The following FAR1 variants were observed in gnomAD, a reference collection of about 807,000 sequenced individuals.
The protein encoded by FAR1 is male sterility domain-containing protein 2.
A neutral mutation model predicts 61.1 loss-of-function variants in FAR1; 22 were observed. That is an observed-to-expected ratio of 0.36 (90% CI 0.26 to 0.51). The LOEUF (loss-of-function observed/expected upper bound fraction) is 0.51. FAR1 is among the 20% of genes least tolerant of loss of function. FAR1 has a pLI of 0.95. For synonymous variants in FAR1, 206 were observed against 209.7 expected, an observed-to-expected ratio of 0.98 and a Z score of 0.15; for missense variants, 359 against 626.9, an observed-to-expected ratio of 0.57 and a Z score of 4.56.
Position 13,731,549 on chromosome 11 carries a change from C to G in FAR1, c.*2775C>G, listed in dbSNP as rs572108579. 2.0e-5 allele frequency: 3 copies of G among 152,366 alleles called. No homozygotes were observed. Among genetic ancestry groups the G allele is most frequent in the Non-Finnish European group, 4.4e-5 (3 of 67,984 alleles). The allele number at this position is 152,366 out of a possible 1,614,324, so 9.4% of individuals were successfully genotyped here. A position where few individuals can be genotyped will look rare whatever the true frequency, so the allele number is the denominator to read the frequency against. On this transcript the variant is annotated 3_prime_UTR_variant, in exon 12 of 12. Coordinates refer to ENST00000354817, the MANE Select transcript of FAR1 (RefSeq NM_032228.6). Reference sequence around the variant, plus strand: ...TGAAAATTACCCATGGAACAATATGCTTAGGATTACAGGAAGCAGTCCTTA... The same window carrying G: ...TGAAAATTACCCATGGAACAATATGGTTAGGATTACAGGAAGCAGTCCTTA...
chr11:13,688,732 G>A (rs1848216461), intron 1 of FAR1, among the ~76,000 whole-genome samples: 1 of 152,150 alleles, frequency 6.6e-6, no homozygotes, highest in African/African-American at 2.4e-5. Flanking sequence ...TATTGAGTAT[G>A]TAATTGTCAT....
rs1400477156 is a variant in FAR1 at position 13,722,547 on chromosome 11, C to T, written c.1257+688C>T. On this transcript the variant is annotated intron_variant, in intron 10 of 11. Coordinates refer to ENST00000354817, the MANE Select transcript of FAR1 (RefSeq NM_032228.6). ...GGAGTGCAATGGCACAATCTTGGCTCACTGCAACCTCTGCCTCCCGGGTTC... is the reference window on the plus strand; with the variant it reads ...GGAGTGCAATGGCACAATCTTGGCTTACTGCAACCTCTGCCTCCCGGGTTC... Among the ~76,000 whole-genome samples the T allele has an allele frequency of 2.0e-5, 3 of 151,922 alleles. No homozygotes were observed. In the East Asian group the frequency reaches 5.8e-4, roughly 29 times the overall value.
chr11:13,725,826 T>C (rs1848662587), intron 10 of FAR1, among the ~76,000 whole-genome samples: 1 of 152,160 alleles, frequency 6.6e-6, no homozygotes, highest in Non-Finnish European at 1.5e-5. Context: ...TGACCTTTAA[T>C]TGGAGAACTT....
chr11:13,724,844 G>A (rs1278218131), intron 10 of FAR1, among the ~76,000 whole-genome samples: 1 of 152,140 alleles, frequency 6.6e-6, no homozygotes, highest in Non-Finnish European at 1.5e-5. Context: ...TGCCCAAGAG[G>A]CACAGGTGGG....
At chr11:13,670,286 G>A (rs1847983295) in intron 1 of FAR1, 1 of 150,754 alleles carries the variant, frequency 6.6e-6, no homozygotes, top group Admixed American at 6.6e-5. Flanking sequence ...GTTTTGTTTT[G>A]TTTTTATTTT....
chr11:13,690,602 C>T (rs1231921413), intron 1 of FAR1, among the ~76,000 whole-genome samples: 1 of 152,066 alleles, frequency 6.6e-6, no homozygotes, highest in African/African-American at 2.4e-5. Flanking sequence ...GACTCTGCAC[C>T]ATTCTCTTCT....
Position 13,694,948 on chromosome 11 carries a change from T to C in FAR1, c.183T>C (p.Ser61=). The C allele has an allele frequency of 1.2e-6, 2 of 1,609,066 alleles. No homozygotes were observed. The highest frequency in any genetic ancestry group is 1.7e-6 in the Non-Finnish European group (2 of 1,177,578). The change falls in exon 2 of 12, where the codon AGT becomes AGC. Residue 61 remains serine, a synonymous_variant. Coordinates refer to ENST00000354817, the MANE Select transcript of FAR1 (RefSeq NM_032228.6). ...AAGAGCGAGTGGAAGAAGTCCTTAGTGGCAAGGTAAGTATGGAAAATGAGC... is the reference window on the plus strand; with the variant it reads ...AAGAGCGAGTGGAAGAAGTCCTTAGCGGCAAGGTAAGTATGGAAAATGAGC... ...TPQERVEEVL[S]GKLFDRLRDE... is the part of the protein sequence containing the mutation.
chr11:13,719,615 A>G (rs1404774793), intron 9 of FAR1, among the ~76,000 whole-genome samples: 2 of 152,202 alleles, frequency 1.3e-5, no homozygotes, highest in Non-Finnish European at 2.9e-5. Context: ...GCATAACTTT[A>G]TCTAGCTTAA....
intron 1 of FAR1, among the ~76,000 whole-genome samples, chr11:13,689,755 A>T (rs1440041771): frequency 1.1e-4 from 17 of 151,974 alleles, no homozygotes; most frequent in Non-Finnish European, 1.5e-5. Context: ...CAGCAGTAAG[A>T]TGAGAGTTCC....
chr11:13,710,996 G>A (rs1848492619), intron 5 of FAR1, 126 bp downstream of exon 5: 12 of 777,866 alleles, frequency 1.5e-5, no homozygotes, highest in East Asian at 5.7e-5. Flanking sequence ...CCATGGCAAA[G>A]CTGTTTTGTG....
chr11:13,730,938 C>G lies in FAR1; in HGVS notation c.*2164C>G, dbSNP rs1175642148. The G allele has an allele frequency of 6.6e-6, 1 of 152,068 alleles. No homozygotes were observed. The highest frequency in any genetic ancestry group is 6.6e-5 in the Admixed American group (1 of 15,252). The allele number at this position is 152,068 out of a possible 1,614,324, so 9.4% of individuals were successfully genotyped here. A position where few individuals can be genotyped will look rare whatever the true frequency, so the allele number is the denominator to read the frequency against. The stretch of plus-strand genomic sequence containing the variant: ...AGATTGTTAATCCCCACCAGCTAGA[C>G]TTTGAACTTAAGTCAGACTTAAAGA... On this transcript the variant is annotated 3_prime_UTR_variant, in exon 12 of 12. Coordinates refer to ENST00000354817, the MANE Select transcript of FAR1 (RefSeq NM_032228.6).
rs1053119720 is a variant in FAR1 at position 13,729,332 on chromosome 11, ATTTTTC to A, written c.*566_*571del. ...TATCAAACATGAAAGAGATGTTCTC[ATTTTTC>A]TTTTTCTGATTAAACGTCTGATGCA... On this transcript the variant is annotated 3_prime_UTR_variant, in exon 12 of 12. Transcript: ENST00000354817. 1 of 142,234 alleles carries A rather than the reference ATTTTTC, an allele frequency of 7.0e-6. No individual in the cohort carries two copies. The highest frequency in any genetic ancestry group is 1.6e-5 in the Non-Finnish European group (1 of 61,602). 8.8% of individuals were successfully genotyped at this position (142,234 alleles called of 1,614,324 possible).
At chr11:13,687,474 A>T (rs1023070243) in intron 1 of FAR1, among the ~76,000 whole-genome samples, 1 of 152,204 alleles carries the variant, frequency 6.6e-6, no homozygotes, top group Non-Finnish European at 1.5e-5. Flanking sequence ...GCTGTGTAGC[A>T]GGAATCTGAA....
chr11:13,700,539 A>G (rs775206280), intron 3 of FAR1, 47 bp downstream of exon 3: 71 of 1,169,398 alleles, frequency 6.1e-5, no homozygotes, highest in Admixed American at 1.2e-4. Context: ...TATAGTTATT[A>G]AAAAATCTCA....
chr11:13,727,477 T>TC, intron 10 of FAR1, 79 bp from the exon 11 acceptor site: 1 of 1,355,182 alleles, frequency 7.4e-7, no homozygotes, highest in Non-Finnish European at 1.0e-6. Context: ...GAACTGGCCT[T>TC]TAGAAAAAGT....
At position 13,707,942 on chromosome 11, in the gene FAR1, TCTC is replaced by T; in HGVS notation, c.411_413del (p.Leu138del). The T allele has an allele frequency of 6.3e-7, 1 of 1,599,930 alleles. No individual in the cohort carries two copies. The highest frequency in any genetic ancestry group is 8.5e-7 in the Non-Finnish European group (1 of 1,173,256). On this transcript the variant is annotated inframe_deletion, in exon 4 of 12. Transcript: ENST00000354817. ...ATGTGATTGCAACGCGACAGCTTAT[TCTC>T]CTTGCACAACAAATGAAGAATCTGG...
intron 9 of FAR1, among the ~76,000 whole-genome samples, chr11:13,716,738 A>G (rs1473683111): frequency 6.6e-6 from 1 of 152,132 alleles, no homozygotes; most frequent in African/African-American, 2.4e-5. Context: ...GTGAGTCACA[A>G]ATCTTCTTAA....
At chr11:13,695,091 C>T (rs1347989758) in intron 2 of FAR1, 137 bp downstream of exon 2, 11 of 679,344 alleles carry the variant, frequency 1.6e-5, no homozygotes, top group Non-Finnish European at 2.2e-5. Context: ...TTAGTAAGTT[C>T]CTACAGGATG....
intron 1 of FAR1, among the ~76,000 whole-genome samples, chr11:13,691,176 A>G (rs1848245952): frequency 6.6e-6 from 1 of 152,166 alleles, no homozygotes; most frequent in African/African-American, 2.4e-5. Context: ...ACGTTGTTGA[A>G]CCCTCTATGG....
Sources: allele counts gnomAD v4.1 joint callset (sites outside exome capture counted in the v4.1 genomes callset), GRCh38; gene constraint gnomAD v4.1.1; transcripts MANE v1.5; gene names NCBI Gene and HGNC (gene_info 2026-07-23, HGNC 2026-07-21).